Variants in RNF10 observed in about 807,000 individuals in gnomAD.
RNF10 encodes E3 ubiquitin-protein ligase RNF10.
In RNF10, 38 loss-of-function variants were observed where a neutral mutation model predicts 91.4. The observed-to-expected ratio is 0.42, with a 90% CI of 0.32 to 0.54. The LOEUF (loss-of-function observed/expected upper bound fraction) is 0.54, where lower values mean the gene tolerates loss of function less well. Ranked by LOEUF, RNF10 falls within the 20% of genes least tolerant of loss-of-function variation. The pLI is 0.16. For synonymous variants in RNF10, 364 were observed against 366.3 expected (o/e 0.99, Z 0.07); for missense variants, 945 against 1,012.0 (o/e 0.93, Z 0.90).
At chr12:120,552,765 G>T in intron 3 of RNF10, 67 bp downstream of exon 3, 1 of 1,398,906 alleles carries the variant, frequency 7.1e-7, no homozygotes, top group Non-Finnish European at 9.8e-7. Flanking sequence ...GTGCCTCTGT[G>T]AGAGGCTTTT....
At position 120,565,115 on chromosome 12, in the gene RNF10, C is replaced by A; in HGVS notation, c.1709C>A (p.Thr570Asn). Reference sequence around the variant, plus strand: ...AGATATCTCTCTCACTTGCCACTCACCTGTGAGTTCAGCATCTGTGAACTG... The same window carrying A: ...AGATATCTCTCTCACTTGCCACTCAACTGTGAGTTCAGCATCTGTGAACTG... ...RHRYLSHLPL[T>N]CEFSICELAL... Residue 570 changes from threonine (T) to asparagine (N), a missense_variant, in exon 11 of 17, where the codon ACC (threonine) becomes AAC (asparagine). Transcript: ENST00000325954. 1 of 1,614,060 alleles carries A rather than the reference C, an allele frequency of 6.2e-7. No individual in the cohort carries two copies. The highest frequency in any genetic ancestry group is 8.5e-7 in the Non-Finnish European group (1 of 1,179,944).
At chr12:120,563,696 G>A (rs1875257083) in intron 9 of RNF10, 73 bp downstream of exon 9, 2 of 1,572,064 alleles carry the variant, frequency 1.3e-6, no homozygotes, top group Non-Finnish European at 1.7e-6. Flanking sequence ...CTAAGCAGAG[G>A]AGCGCCACTA....
chr12:120,573,470 A>G (rs1565974080), intron 14 of RNF10, among the ~76,000 whole-genome samples: 1 of 152,202 alleles, frequency 6.6e-6, no homozygotes, highest in African/African-American at 2.4e-5. Context: ...AATAAGACAT[A>G]GGTGACATTT....
intron 12 of RNF10, among the ~76,000 whole-genome samples, chr12:120,566,390 T>C (rs1875704477): frequency 6.6e-6 from 1 of 152,170 alleles, no homozygotes; most frequent in South Asian, 2.1e-4. Flanking sequence ...TATTGTAAAT[T>C]TGGGTTTTAG....
intron 1 of RNF10, among the ~76,000 whole-genome samples, chr12:120,536,797 T>A (rs1870883407): frequency 6.6e-6 from 1 of 152,222 alleles, no homozygotes; most frequent in Admixed American, 6.5e-5. Context: ...CTCAACTAAT[T>A]TTTCTGGGGC....
intron 6 of RNF10, among the ~76,000 whole-genome samples, chr12:120,559,968 C>T (rs932047785): frequency 6.6e-6 from 1 of 151,312 alleles, no homozygotes; most frequent in Non-Finnish European, 1.5e-5. Context: ...AAGTGCTGAA[C>T]GTGAGCCACC....
intron 3 of RNF10, among the ~76,000 whole-genome samples, chr12:120,553,506 G>A (rs1270591150): frequency 6.6e-6 from 1 of 150,504 alleles, no homozygotes; most frequent in Non-Finnish European, 1.5e-5. Flanking sequence ...GGAGCTTCAT[G>A]CCATTCTCCT....
At chr12:120,572,372 A>G (rs1321975031) in intron 14 of RNF10, among the ~76,000 whole-genome samples, 3 of 151,352 alleles carry the variant, frequency 2.0e-5, no homozygotes, top group Admixed American at 1.3e-4. Context: ...GGCCATTGAC[A>G]GTTCTTTAGA....
chr12:120,539,380 C>T (rs1871245970), intron 1 of RNF10: 5 of 1,287,446 alleles, frequency 3.9e-6, no homozygotes, highest in Non-Finnish European at 5.1e-6. Context: ...TTACTAATTT[C>T]AGCTGGATTC....
In RNF10 at chr12:120,557,550, G is replaced by A; in HGVS notation, c.835G>A (p.Val279Ile). The A allele has an allele frequency of 6.2e-7, 1 of 1,614,166 alleles. No individual in the cohort carries two copies. Among genetic ancestry groups the A allele is most frequent in the Non-Finnish European group, 8.5e-7 (1 of 1,180,014 alleles). ...SVHKKDLKSV[V>I]ATESHQYVVG... Reference sequence around the variant, plus strand: ...ATATGAGTGTCCATGTTTCAGTGTTGTTGCCACAGAGTCACATCAGTATGT... The same window carrying A: ...ATATGAGTGTCCATGTTTCAGTGTTATTGCCACAGAGTCACATCAGTATGT... The change falls in exon 6 of 17, where the codon GTT becomes ATT. Residue 279 changes from valine to isoleucine, a missense_variant. By Grantham distance (29) the Val-to-Ile change is conservative. Transcript: ENST00000325954.
At chr12:120,544,838 GTATTA>G (rs1048052761) in intron 1 of RNF10, among the ~76,000 whole-genome samples, 26 of 152,052 alleles carry the variant, frequency 1.7e-4, no homozygotes, top group Non-Finnish European at 3.1e-4. Context: ...ACTCCCAATG[GTATTA>G]TATTAAACTA....
At chr12:120,541,542 C>G (rs1463974985) in intron 1 of RNF10, among the ~76,000 whole-genome samples, 1 of 151,244 alleles carries the variant, frequency 6.6e-6, no homozygotes, top group Non-Finnish European at 1.5e-5. Context: ...TCACGCCATT[C>G]TCCTGCCTCA....
At position 120,546,464 on chromosome 12, in the gene RNF10, A is replaced by C. The variant is rs757634356; in HGVS notation, c.217A>C (p.Lys73Gln). The C allele has an allele frequency of 1.9e-6, 3 of 1,614,124 alleles. No homozygotes were observed. Among genetic ancestry groups the C allele is most frequent in the Non-Finnish European group, 2.5e-6 (3 of 1,179,974 alleles). ...TCGCAAACGTGAACTTTCCTACCCCAAAAATGAAAGTTTTAACAACCAGTC... is the reference window on the plus strand; with the variant it reads ...TCGCAAACGTGAACTTTCCTACCCCCAAAATGAAAGTTTTAACAACCAGTC... The part of the protein sequence containing the change: ...YNRKRELSYP[K>Q]NESFNNQSRR... The change falls in exon 2 of 17, where the codon AAA becomes CAA. Residue 73 changes from lysine to glutamine, a missense_variant. Physicochemically the swap from Lys to Gln is moderately conservative, Grantham distance 53. Transcript: ENST00000325954.
chr12:120,563,698 G>T (rs1446283104), intron 9 of RNF10, 75 bp downstream of exon 9: 1 of 1,572,098 alleles, frequency 6.4e-7, no homozygotes, highest in Admixed American at 1.8e-5. Flanking sequence ...AAGCAGAGGA[G>T]CGCCACTAGA....
chr12:120,559,204 C>T (rs1470771703), intron 6 of RNF10, among the ~76,000 whole-genome samples: 4 of 89,940 alleles, frequency 4.4e-5, no homozygotes, highest in East Asian at 3.6e-4. Flanking sequence ...TTTTTTGAGA[C>T]GGAGTCTTGC....
At chr12:120,559,595 G>A (rs554395452) in intron 6 of RNF10, among the ~76,000 whole-genome samples, 1 of 152,218 alleles carries the variant, frequency 6.6e-6, no homozygotes, top group African/African-American at 2.4e-5. Context: ...ATGTTGGCCA[G>A]CATGGTCTCA....
chr12:120,564,899 C>T (rs544834537), intron 10 of RNF10, among the ~76,000 whole-genome samples, 173 bp from the exon 11 acceptor site: 3 of 152,326 alleles, frequency 2.0e-5, no homozygotes, highest in African/African-American at 7.2e-5. Flanking sequence ...TTCCACCTTG[C>T]TGTAGGTTGA....
At chr12:120,545,841 C>T (rs1872249483) in intron 1 of RNF10, among the ~76,000 whole-genome samples, 1 of 152,172 alleles carries the variant, frequency 6.6e-6, no homozygotes, top group Admixed American at 6.5e-5. Context: ...GCCCAGCCCC[C>T]AGTATGCTTT....
chr12:120,539,725 A>G (rs1035157574), intron 1 of RNF10, among the ~76,000 whole-genome samples: 3 of 151,804 alleles, frequency 2.0e-5, no homozygotes, highest in African/African-American at 7.3e-5. Context: ...TAAGTCATTT[A>G]TTTGTCGACT....
Sources: gnomAD v4.1 joint callset for allele counts (sites outside exome capture counted in the v4.1 genomes callset) on GRCh38, gnomAD v4.1.1 for gene constraint, MANE v1.5 for transcripts, NCBI Gene and HGNC (gene_info 2026-07-23, HGNC 2026-07-21) for gene names.